ADAMTS2: variants seen among roughly 807,000 people sequenced by gnomAD.
ADAMTS2 encodes the protein A disintegrin and metalloproteinase with thrombospondin motifs 2.
A neutral mutation model predicts 123.0 loss-of-function variants in ADAMTS2; 50 were observed. That is an observed-to-expected ratio of 0.41 (90% confidence interval 0.32 to 0.51). The LOEUF is 0.51. Among genes scored for constraint, ADAMTS2 ranks in the 20% least tolerant of loss-of-function variants. ADAMTS2 has a pLI of 0.35. For synonymous variants in ADAMTS2, 678 were observed against 695.4 expected (o/e 0.98, Z 0.39); for missense variants, 1,494 against 1,705.2 (o/e 0.88, Z 2.18).
intron 2 of ADAMTS2, among the ~76,000 whole-genome samples, chr5:179,302,636 TC>T (rs1211747807): frequency 6.6e-6 from 1 of 150,724 alleles, no homozygotes; most frequent in Non-Finnish European, 1.5e-5. Context: ...GGGTGCTATC[TC>T]CCGGGGGGGC....
chr5:179,126,147 C>T lies in ADAMTS2; in HGVS notation c.2618-17G>A, dbSNP rs1053821751. ...ACTGGGACCCTGAAGGCAGAGAGCT[C>T]GACGGGGGTCGGTGGGGCAGCATGC... On this transcript the variant is annotated splice_polypyrimidine_tract_variant and intron_variant, in intron 17 of 21. Transcript: ENST00000251582. 3.7e-6 allele frequency: 6 copies of T among 1,612,892 alleles called. No individual in the cohort carries two copies. Among genetic ancestry groups the T allele is most frequent in the East Asian group, 2.2e-5 (1 of 44,870 alleles).
rs1188227542 is a variant in ADAMTS2, at chr5:179,115,446, C to A, written c.3179-1122G>T. ...TCCAGTATAAATTCCGAATCACTGA[C>A]CTCCGTGAGCCCAACACCGCCTGTT... is the stretch of plus-strand genomic sequence containing the variant. On this transcript the variant is annotated intron_variant, in intron 21 of 21. Transcript: ENST00000251582. The surrounding 1 kb of genome is among the most constrained non-coding windows in gnomAD (Gnocchi z 4.4). Among the ~76,000 whole-genome samples the A allele has an allele frequency of 6.6e-6, 1 of 152,180 alleles. No individual in the cohort carries two copies. Among genetic ancestry groups the A allele is most frequent in the Non-Finnish European group, 1.5e-5 (1 of 68,032 alleles).
rs971444378 is a variant in ADAMTS2 at position 179,308,033 on chromosome 5, C to T, written c.535-34969G>A. Among the ~76,000 whole-genome samples the T allele has an allele frequency of 2.6e-5, 4 of 152,284 alleles. No individual in the cohort carries two copies. The highest frequency in any genetic ancestry group is 1.9e-4 in the East Asian group (1 of 5,180). ...AGGCATGGAGTTGAGTACGGGAGGT[C>T]GCCGGCCCTCCCGAGGCTCCCTTCC... is the stretch of plus-strand genomic sequence containing the variant. On this transcript the variant is annotated intron_variant, in intron 2 of 21. Transcript: ENST00000251582. The surrounding 1 kb of genome is among the most constrained non-coding windows in gnomAD (Gnocchi z 6.6).
At chr5:179,336,115 G>A (rs918359292) in intron 2 of ADAMTS2, among the ~76,000 whole-genome samples, 2 of 152,190 alleles carry the variant, frequency 1.3e-5, no homozygotes, top group African/African-American at 4.8e-5. Flanking sequence ...CCCCCAACAC[G>A]CATCTTTCCA....
intron 2 of ADAMTS2, among the ~76,000 whole-genome samples, chr5:179,301,046 T>C (rs1756501704): frequency 6.6e-6 from 1 of 151,838 alleles, no homozygotes; most frequent in Non-Finnish European, 1.5e-5. Flanking sequence ...CAGTGAAGCC[T>C]GGACTCCTCA....
intron 5 of ADAMTS2, among the ~76,000 whole-genome samples, chr5:179,165,383 G>A (rs76993486): frequency 2.6e-5 from 4 of 152,192 alleles, no homozygotes; most frequent in Admixed American, 6.5e-5. Flanking sequence ...CCACTGAGGA[G>A]TCTTTCACCA....
At chr5:179,236,500 T>C (rs1447499498) in intron 3 of ADAMTS2, among the ~76,000 whole-genome samples, 1 of 152,044 alleles carries the variant, frequency 6.6e-6, no homozygotes, top group Non-Finnish European at 1.5e-5. Context: ...AAAGAATCGT[T>C]TAAAAAGACT....
chr5:179,272,769 A>G lies in ADAMTS2; in HGVS notation c.688+142T>C, dbSNP rs1008051782. On this transcript the variant is annotated intron_variant, in intron 3 of 21. Coordinates refer to ENST00000251582, the MANE Select transcript of ADAMTS2 (RefSeq NM_014244.5). This position sits in a 1 kb window ranked among gnomAD's most constrained non-coding sequence, Gnocchi z 5.8. ...CTGCCGTCAGCCAGGCAGCTGGCCC[A>G]TTTCTGAGCCACTGAGACCGGGGCT... is the stretch of plus-strand genomic sequence containing the variant. 4 of 1,130,644 alleles carry G rather than the reference A, an allele frequency of 3.5e-6. No homozygotes were observed. The highest frequency in any genetic ancestry group is 4.9e-6 in the Non-Finnish European group (4 of 811,314). 70.0% of individuals were successfully genotyped at this position (1,130,644 alleles called of 1,614,324 possible).
intron 2 of ADAMTS2, among the ~76,000 whole-genome samples, chr5:179,293,125 G>A (rs1042274007): frequency 1.3e-5 from 2 of 152,144 alleles, no homozygotes; most frequent in African/African-American, 2.4e-5. Context: ...ACCTGAAGCC[G>A]CTCCTCCTTG....
At chr5:179,147,831 GGGA>G (rs1430006597) in intron 10 of ADAMTS2, among the ~76,000 whole-genome samples, 1 of 152,192 alleles carries the variant, frequency 6.6e-6, no homozygotes, top group Non-Finnish European at 1.5e-5. Context: ...TGGCACCCAC[GGGA>G]GGAGAATTGT....
At position 179,129,578 on chromosome 5, in the gene ADAMTS2, C is replaced by T. The variant is rs545086112; in HGVS notation, c.2457+354G>A. Reference sequence around the variant, plus strand: ...CAACCTGGGTCTGGGCATCTAGCTTCCCAGACCCTGAGCGTCACCTCCCAG... The same window carrying T: ...CAACCTGGGTCTGGGCATCTAGCTTTCCAGACCCTGAGCGTCACCTCCCAG... On this transcript the variant is annotated intron_variant, in intron 16 of 21. Transcript: ENST00000251582. The surrounding 1 kb of genome is among the most constrained non-coding windows in gnomAD (Gnocchi z 4.1). 3.1e-4 allele frequency among the ~76,000 whole-genome samples: 47 copies of T among 152,288 alleles called. No homozygotes were observed. Among genetic ancestry groups the T allele is most frequent in the African/African-American group, 1.1e-3 (46 of 41,574 alleles).
chr5:179,122,054 C>T (rs1457162155), intron 20 of ADAMTS2, among the ~76,000 whole-genome samples: 1 of 152,170 alleles, frequency 6.6e-6, no homozygotes, highest in African/African-American at 2.4e-5. Flanking sequence ...CCCCGGGTTC[C>T]ACCTGCTGAC....
At position 179,237,625 on chromosome 5, in the gene ADAMTS2, G is replaced by A. The variant is rs190692112; in HGVS notation, c.689-29910C>T. On this transcript the variant is annotated intron_variant, in intron 3 of 21. Transcript: ENST00000251582. ...TCTGGGAGGCTGGGGGAGATGAGGCGATGTGTGATTCTCAAGGTCAGCATG... is the reference window on the plus strand; with the variant it reads ...TCTGGGAGGCTGGGGGAGATGAGGCAATGTGTGATTCTCAAGGTCAGCATG... 2.3e-4 allele frequency among the ~76,000 whole-genome samples: 35 copies of A among 152,260 alleles called. 1 individual carries two copies. Among genetic ancestry groups the A allele is most frequent in the Middle Eastern group, 6.8e-3 (2 of 294 alleles).
intron 5 of ADAMTS2, among the ~76,000 whole-genome samples, chr5:179,165,467 G>A (rs1160330252): frequency 1.3e-5 from 2 of 152,128 alleles, no homozygotes; most frequent in African/African-American, 4.8e-5. Context: ...GGCTCTGCAC[G>A]GCTCCTCTAG....
rs1266307676 is a variant in ADAMTS2, at chr5:179,113,230, T to G, written c.*637A>C. ...CACTGTCTGGCAAGGCCGGGGATAG[T>G]AGAGCAGAGATGGAGAGAGATACAG... is the stretch of plus-strand genomic sequence containing the variant. On this transcript the variant is annotated 3_prime_UTR_variant, in exon 22 of 22. Coordinates refer to ENST00000251582, the MANE Select transcript of ADAMTS2 (RefSeq NM_014244.5). 6.4e-6 allele frequency: 1 copy of G among 155,578 alleles called. No homozygotes were observed. Among genetic ancestry groups the G allele is most frequent in the Non-Finnish European group, 1.4e-5 (1 of 70,042 alleles). 9.6% of individuals were successfully genotyped at this position (155,578 alleles called of 1,614,324 possible).
At chr5:179,255,142 G>C (rs980261693) in intron 3 of ADAMTS2, among the ~76,000 whole-genome samples, 1 of 152,128 alleles carries the variant, frequency 6.6e-6, no homozygotes, top group African/African-American at 2.4e-5. Context: ...ATGAATGAGT[G>C]GGTAGACGAA....
intron 2 of ADAMTS2, among the ~76,000 whole-genome samples, chr5:179,328,201 T>A (rs1426676527): frequency 5.3e-5 from 8 of 152,062 alleles, no homozygotes. Flanking sequence ...CCCGGCTAAT[T>A]TTTTGTATTT....
Position 179,202,679 on chromosome 5 carries a change from C to T in ADAMTS2, c.891+4834G>A, listed in dbSNP as rs888979269. Among the ~76,000 whole-genome samples, 1 of 152,150 alleles carries T rather than the reference C, an allele frequency of 6.6e-6. No homozygotes were observed. Among genetic ancestry groups the T allele is most frequent in the East Asian group, 1.9e-4 (1 of 5,130 alleles). ...GAGGAGGATGGCTATGCCGAGAATC[C>T]ACCCCATCTCAGCAGCTGAACACAA... On this transcript the variant is annotated intron_variant, in intron 4 of 21. Transcript: ENST00000251582. The surrounding 1 kb of genome is among the most constrained non-coding windows in gnomAD (Gnocchi z 4.0).
At chr5:179,239,699 C>T (rs1042256817) in intron 3 of ADAMTS2, among the ~76,000 whole-genome samples, 10 of 152,026 alleles carry the variant, frequency 6.6e-5, no homozygotes, top group African/African-American at 1.5e-4. Context: ...GGAATGAGAT[C>T]GCCCACAGAG....
Sources: gnomAD v4.1 joint callset for allele counts (sites outside exome capture counted in the v4.1 genomes callset) on GRCh38, gnomAD v4.1.1 for gene constraint, Gnocchi (gnomAD v3.1) non-coding constraint, MANE v1.5 for transcripts, NCBI Gene and HGNC (gene_info 2026-07-23, HGNC 2026-07-21) for gene names.